RIOX2: variants seen among roughly 807,000 people sequenced by gnomAD.
RIOX2 encodes the protein ribosomal oxygenase 2.
In RIOX2, 43 loss-of-function variants were observed where a neutral mutation model predicts 51.2. The observed-to-expected ratio is 0.84, with a 90% confidence interval of 0.66 to 1.08. RIOX2 has a LOEUF of 1.08. Among genes scored for constraint, RIOX2 ranks in the 50% least tolerant of loss-of-function variants. The pLI is 0.00. For synonymous variants in RIOX2, 226 were observed against 218.5 expected, an observed-to-expected ratio of 1.03 and a Z score of -0.30; for missense variants, 566 against 561.7, an observed-to-expected ratio of 1.01 and a Z score of -0.08.
chr3:97,947,476 G>A (rs369471458), intron 7 of RIOX2, 27 bp from the exon 8 acceptor site: 70 of 1,585,896 alleles, frequency 4.4e-5, no homozygotes, highest in African/African-American at 3.6e-4. Flanking sequence ...AGAGAAAGCC[G>A]ACCTTCAAAA....
intron 7 of RIOX2, among the ~76,000 whole-genome samples, chr3:97,949,285 G>T (rs532111409): frequency 6.6e-6 from 1 of 151,982 alleles, no homozygotes; most frequent in South Asian, 2.1e-4. Flanking sequence ...ACTTCTCCTC[G>T]CTCTTGCTTC....
Position 97,942,459 on chromosome 3 carries a change from T to TA in RIOX2, c.*2724dup, listed in dbSNP as rs1559751547. ...GATGTTAAAGGTGGGCCTTTGATGA[T>TA]ACCCAATGTTGTGTCCCTGGATATT... is the stretch of plus-strand genomic sequence containing the variant. On this transcript the variant is annotated 3_prime_UTR_variant, in exon 10 of 10. Coordinates refer to ENST00000394198, the MANE Select transcript of RIOX2 (RefSeq NM_153182.4). The TA allele has an allele frequency of 6.3e-7, 1 of 1,598,920 alleles. No homozygotes were observed. The highest frequency in any genetic ancestry group is 1.7e-5 in the Admixed American group (1 of 59,260).
At chr3:97,966,455 T>C (rs933505489) in intron 2 of RIOX2, among the ~76,000 whole-genome samples, 2 of 152,218 alleles carry the variant, frequency 1.3e-5, no homozygotes, top group African/African-American at 2.4e-5. Flanking sequence ...AACAAATTAG[T>C]TCATACTAAA....
chr3:97,964,696 T>TAAAAAAAAAAAAAAAAA (rs1159985029), intron 2 of RIOX2, among the ~76,000 whole-genome samples: 2 of 60,218 alleles, frequency 3.3e-5, no homozygotes, highest in Non-Finnish European at 6.3e-5. Flanking sequence ...GACTCTGTCT[T>TAAAAAAAAAAAAAAAAA]AAAAAAAAAA....
At chr3:97,946,613 C>A (rs987322822) in intron 8 of RIOX2, among the ~76,000 whole-genome samples, 1 of 50,678 alleles carries the variant, frequency 2.0e-5, no homozygotes, top group African/African-American at 9.1e-5. Flanking sequence ...TATATCTATT[C>A]ATGTATATTC....
Position 97,942,637 on chromosome 3 carries a change from G to A in RIOX2, c.*2547C>T, listed in dbSNP as rs2040257389. On this transcript the variant is annotated 3_prime_UTR_variant, in exon 10 of 10. Transcript: ENST00000394198. ...GAAAAAGCCAAACAACAAAGCTTAGGGTTTTTGTTCATTAGTACAGTTGTA... is the reference window on the plus strand; with the variant it reads ...GAAAAAGCCAAACAACAAAGCTTAGAGTTTTTGTTCATTAGTACAGTTGTA... The A allele has an allele frequency of 3.9e-6, 2 of 518,040 alleles. No homozygotes were observed. The highest frequency in any genetic ancestry group is 7.0e-5 in the South Asian group (2 of 28,634). 32.1% of individuals were successfully genotyped at this position (518,040 alleles called of 1,614,324 possible).
chr3:97,950,910 A>C (rs201074911), intron 5 of RIOX2, 22 bp from the exon 6 acceptor site: 1 of 1,533,236 alleles, frequency 6.5e-7, no homozygotes, highest in Non-Finnish European at 9.0e-7. Context: ...ACCAAGGGGG[A>C]AAAAAAAACC....
In RIOX2 at chr3:97,942,786, T is replaced by TA. The variant is rs2040260181; in HGVS notation, c.*2397dup. 1 of 225,504 alleles carries TA rather than the reference T, an allele frequency of 4.4e-6. No individual in the cohort carries two copies. Among genetic ancestry groups the TA allele is most frequent in the South Asian group, 1.1e-4 (1 of 9,036 alleles). 14.0% of individuals were successfully genotyped at this position (225,504 alleles called of 1,614,324 possible). On this transcript the variant is annotated 3_prime_UTR_variant, in exon 10 of 10. Transcript: ENST00000394198. Reference sequence around the variant, plus strand: ...TTTTGCCAGGAATTGCCATGGTCCTTAAAAACCCTCAGGTAGAATTTATGG... The same window carrying TA: ...TTTTGCCAGGAATTGCCATGGTCCTTAAAAAACCCTCAGGTAGAATTTATGG...
Position 97,945,462 on chromosome 3 carries a change from A to G in RIOX2, c.1240-120T>C, listed in dbSNP as rs193005985. ...TTTTGATACCCCTCATGAGTATTTT[A>G]GACACACTACAATTAGATAACATAA... On this transcript the variant is annotated intron_variant, in intron 9 of 9. Transcript: ENST00000394198. 3.5e-4 allele frequency: 296 copies of G among 852,282 alleles called. 4 individuals are homozygous for G. The East Asian group carries it at 7.0e-3, about 20-fold the overall frequency. 52.8% of individuals were successfully genotyped at this position (852,282 alleles called of 1,614,324 possible). A position where few individuals can be genotyped will look rare whatever the true frequency, so the allele number is the denominator to read the frequency against.
intron 8 of RIOX2, among the ~76,000 whole-genome samples, chr3:97,946,806 T>G (rs1417943029): frequency 6.6e-6 from 1 of 151,540 alleles, no homozygotes; most frequent in Non-Finnish European, 1.5e-5. Context: ...TACAGGGAGC[T>G]CTATCAAAAC....
chr3:97,963,213 T>G (rs1204427239), intron 2 of RIOX2, among the ~76,000 whole-genome samples: 1 of 152,172 alleles, frequency 6.6e-6, no homozygotes, highest in African/African-American at 2.4e-5. Flanking sequence ...AGCCTCGACA[T>G]CCCAGGCTTA....
intron 2 of RIOX2, among the ~76,000 whole-genome samples, chr3:97,965,705 G>A (rs1303014969): frequency 6.6e-6 from 1 of 152,150 alleles, no homozygotes; most frequent in East Asian, 1.9e-4. Context: ...AGCCCTGCGG[G>A]GGATGATTCT....
chr3:97,948,100 G>A (rs998415491), intron 7 of RIOX2, among the ~76,000 whole-genome samples: 1 of 152,138 alleles, frequency 6.6e-6, no homozygotes, highest in Non-Finnish European at 1.5e-5. Flanking sequence ...GGAAAACACT[G>A]AAGTAGTCTG....
At position 97,944,195 on chromosome 3, in the gene RIOX2, T is replaced by C. The variant is rs1282910568; in HGVS notation, c.*989A>G. The stretch of plus-strand genomic sequence containing the variant: ...TTGAACCTTGACCTTACCATCTCTT[T>C]AAGTAAACGTGGAGTTGATTTCTCT... On this transcript the variant is annotated 3_prime_UTR_variant, in exon 10 of 10. Coordinates refer to ENST00000394198, the MANE Select transcript of RIOX2 (RefSeq NM_153182.4). 6.6e-6 allele frequency: 1 copy of C among 151,832 alleles called. No homozygotes were observed. The highest frequency in any genetic ancestry group is 2.4e-5 in the African/African-American group (1 of 41,388). 9.4% of individuals were successfully genotyped at this position (151,832 alleles called of 1,614,324 possible).
chr3:97,961,772 A>T, intron 2 of RIOX2, 64 bp from the exon 3 acceptor site: 1 of 1,510,148 alleles, frequency 6.6e-7, no homozygotes, highest in Non-Finnish European at 8.8e-7. Flanking sequence ...TAGAAATAAG[A>T]ATAAGAGCAT....
At chr3:97,961,797 AG>A in intron 2 of RIOX2, 89 bp from the exon 3 acceptor site, 1 of 1,406,466 alleles carries the variant, frequency 7.1e-7, no homozygotes, top group Non-Finnish European at 9.4e-7. Context: ...TTGTTCACTT[AG>A]GAAGTCTTTA....
At chr3:97,947,083 A>G (rs977207358) in intron 8 of RIOX2, among the ~76,000 whole-genome samples, 2 of 152,144 alleles carry the variant, frequency 1.3e-5, no homozygotes, top group Non-Finnish European at 2.9e-5. Context: ...TGGCTGTCCA[A>G]GCAAGAACAG....
intron 3 of RIOX2, 89 bp from the exon 4 acceptor site, chr3:97,959,268 T>A: frequency 8.6e-7 from 1 of 1,166,506 alleles, no homozygotes; most frequent in Non-Finnish European, 1.2e-6. Context: ...TCTAAGGGGC[T>A]AATAGACAAA....
intron 7 of RIOX2, among the ~76,000 whole-genome samples, chr3:97,947,777 ACTC>A (rs1481234411): frequency 1.3e-5 from 2 of 152,044 alleles, no homozygotes; most frequent in Non-Finnish European, 2.9e-5. Context: ...CAGAACACTC[ACTC>A]CTCCAGGTTC....
Sources: gnomAD v4.1 joint callset for allele counts (sites outside exome capture counted in the v4.1 genomes callset) on GRCh38, gnomAD v4.1.1 for gene constraint, MANE v1.5 for transcripts, NCBI Gene and HGNC (gene_info 2026-07-23, HGNC 2026-07-21) for gene names.